The following AGMO variants were observed in gnomAD, a reference collection of about 807,000 sequenced individuals.
AGMO encodes glyceryl-ether monooxygenase.
Under a neutral mutation model 60.2 loss-of-function variants are expected in AGMO, and 75 were observed. The observed-to-expected ratio is 1.25, with a 90% confidence interval of 1.03 to 1.51. The LOEUF (loss-of-function observed/expected upper bound fraction) is 1.51. Among genes scored for constraint, AGMO ranks in the 40% most tolerant of loss-of-function variants. The pLI is 0.00. For missense variants in AGMO, 763 were observed against 525.5 expected (o/e 1.45, Z -4.42); for synonymous variants, 261 against 177.1 (o/e 1.47, Z -3.76).
rs1782408306 is a variant in AGMO, at chr7:15,354,420, ATACACACACGTGTGTG to A, written c.1263+11078_1263+11093del. Among the ~76,000 whole-genome samples, 7 of 5,950 alleles carry A rather than the reference ATACACACACGTGTGTG, an allele frequency of 1.2e-3. 1 individual carries two copies. The highest frequency in any genetic ancestry group is 5.6e-3 in the African/African-American group (6 of 1,062). 3.9% of individuals were successfully genotyped at this position (5,950 alleles called of 152,430 possible). ...CACGTGTGTGTACACACGTGTGTGT[ATACACACACGTGTGTG>A]TATACACACGTGTGTGTATACACAC... On this transcript the variant is annotated intron_variant, in intron 12 of 12. Transcript: ENST00000342526.
intron 10 of AGMO, among the ~76,000 whole-genome samples, chr7:15,375,352 T>C (rs1008950583): frequency 1.3e-4 from 20 of 151,616 alleles, no homozygotes; most frequent in African/African-American, 4.6e-4. Context: ...TAAAAGACTG[T>C]TTCAGAGACA....
chr7:15,244,121 G>C (rs900670332), intron 12 of AGMO, among the ~76,000 whole-genome samples: 1 of 152,034 alleles, frequency 6.6e-6, no homozygotes, highest in African/African-American at 2.4e-5. Context: ...ATATGTTATT[G>C]TGAGAGTTAA....
chr7:15,275,211 C>G (rs1783744595), intron 12 of AGMO, among the ~76,000 whole-genome samples: 1 of 152,016 alleles, frequency 6.6e-6, no homozygotes, highest in African/African-American at 2.4e-5. Context: ...CTTAGCACTA[C>G]TTTTGCTGTA....
chr7:15,359,496 G>A (rs1000619052), intron 12 of AGMO, among the ~76,000 whole-genome samples: 4 of 152,086 alleles, frequency 2.6e-5, no homozygotes, highest in African/African-American at 9.7e-5. Context: ...ATTGAGAAGA[G>A]TCAAAGTGGC....
At chr7:15,287,505 G>C (rs960291959) in intron 12 of AGMO, among the ~76,000 whole-genome samples, 2 of 152,056 alleles carry the variant, frequency 1.3e-5, no homozygotes, top group African/African-American at 4.8e-5. Context: ...GTTCTATTCT[G>C]AACAAAAGGT....
chr7:15,479,177 C>T (rs936143270), intron 3 of AGMO, among the ~76,000 whole-genome samples: 2 of 151,846 alleles, frequency 1.3e-5, no homozygotes, highest in African/African-American at 4.8e-5. Flanking sequence ...TGATATAATT[C>T]GTGTGAAAAA....
intron 12 of AGMO, among the ~76,000 whole-genome samples, chr7:15,237,616 A>C (rs2128501647): frequency 6.6e-6 from 1 of 152,204 alleles, no homozygotes. Context: ...CTTCTATAAT[A>C]AATCAAGATA....
chr7:15,470,653 T>G (rs894431450), intron 3 of AGMO, among the ~76,000 whole-genome samples: 2 of 151,970 alleles, frequency 1.3e-5, no homozygotes, highest in African/African-American at 4.8e-5. Flanking sequence ...TAAGCAATCT[T>G]GTATCACTTA....
At chr7:15,150,726 G>A in the AGMO span, among the ~76,000 whole-genome samples, 1 of 152,014 alleles carries the variant, frequency 6.6e-6, no homozygotes, top group Non-Finnish European at 1.5e-5. Flanking sequence ...GAGGATTTTT[G>A]TGCCTATGTT....
chr7:15,266,333 A>G (rs1018263503), intron 12 of AGMO, among the ~76,000 whole-genome samples: 12 of 152,056 alleles, frequency 7.9e-5, no homozygotes, highest in Non-Finnish European at 2.9e-5. Context: ...ACATCCTCTC[A>G]TTGAAATAAA....
the AGMO span, among the ~76,000 whole-genome samples, chr7:15,181,712 T>C: frequency 6.6e-6 from 1 of 152,158 alleles, no homozygotes; most frequent in Non-Finnish European, 1.5e-5. Context: ...TTTGGAAATA[T>C]TATTTTTGAT....
At chr7:15,369,108 G>A (rs961701057) in intron 10 of AGMO, among the ~76,000 whole-genome samples, 2 of 151,956 alleles carry the variant, frequency 1.3e-5, no homozygotes, top group African/African-American at 2.4e-5. Flanking sequence ...AATATATCAA[G>A]AGATATATTT....
chr7:15,361,546 A>AAAAAAAAAAAGAAAG (rs60239009), intron 12 of AGMO, among the ~76,000 whole-genome samples: 4 of 91,408 alleles, frequency 4.4e-5, no homozygotes, highest in Non-Finnish European at 4.3e-5. Context: ...TCTCAAAAAA[A>AAAAAAAAAAAGAAAG]AAAAAAAAGG....
chr7:15,553,328 A>C (rs557192698), intron 2 of AGMO, among the ~76,000 whole-genome samples: 2 of 151,676 alleles, frequency 1.3e-5, no homozygotes, highest in East Asian at 3.9e-4. Context: ...TAATAAAAAA[A>C]ATAAATAAAT....
At chr7:15,181,625 A>C in the AGMO span, among the ~76,000 whole-genome samples, 1 of 152,286 alleles carries the variant, frequency 6.6e-6, no homozygotes, top group Non-Finnish European at 1.5e-5. Flanking sequence ...TATATTATAT[A>C]TATTATCTAA....
the AGMO span, among the ~76,000 whole-genome samples, chr7:15,170,507 C>A: frequency 1.3e-5 from 2 of 152,218 alleles, no homozygotes; most frequent in African/African-American, 4.8e-5. Flanking sequence ...TATATGCATG[C>A]ATACATCTAT....
chr7:15,544,728 A>ACAGTT, intron 3 of AGMO, 44 bp downstream of exon 3: 1 of 1,481,716 alleles, frequency 6.7e-7, no homozygotes, highest in Non-Finnish European at 9.0e-7. Context: ...TGTACCAAAC[A>ACAGTT]CAGTTCAACA....
intron 2 of AGMO, among the ~76,000 whole-genome samples, chr7:15,559,102 A>G (rs1201912984): frequency 2.0e-5 from 3 of 152,132 alleles, no homozygotes; most frequent in Admixed American, 6.6e-5. Context: ...TACTCTTTCT[A>G]AAAAATAGTA....
intron 12 of AGMO, among the ~76,000 whole-genome samples, chr7:15,203,019 T>C (rs1172242608): frequency 6.6e-6 from 1 of 152,168 alleles, no homozygotes; most frequent in Non-Finnish European, 1.5e-5. Flanking sequence ...AGCAAGCAAC[T>C]AATACATACC....
Sources: gnomAD v4.1 joint callset for allele counts (sites outside exome capture counted in the v4.1 genomes callset) on GRCh38, gnomAD v4.1.1 for gene constraint, MANE v1.5 for transcripts, NCBI Gene and HGNC (gene_info 2026-07-23, HGNC 2026-07-21) for gene names.